The following PMM2 variants were observed in gnomAD, a reference collection of about 807,000 sequenced individuals.
PMM2 encodes mannose-6-phosphate isomerase.
A neutral mutation model predicts 33.2 loss-of-function variants in PMM2; 35 were observed. That is an observed-to-expected ratio of 1.06 (90% CI 0.81 to 1.40). The LOEUF is 1.40. PMM2 is among the 40% of genes most tolerant of loss of function. The pLI, the probability that PMM2 is intolerant of heterozygous loss-of-function variation, is 0.00. For missense variants in PMM2, 386 were observed against 306.0 expected (o/e 1.26, Z -1.95); for synonymous variants, 153 against 114.7 (o/e 1.33, Z -2.13).
intron 7 of PMM2, among the ~76,000 whole-genome samples, chr16:8,841,629 G>A (rs1310459799): frequency 6.8e-6 from 1 of 147,478 alleles, no homozygotes; most frequent in African/African-American, 2.5e-5. Flanking sequence ...CTATAGCATA[G>A]CCTGCCTTTG....
At chr16:8,846,034 C>T (rs1044562593) in intron 7 of PMM2, among the ~76,000 whole-genome samples, 1 of 152,148 alleles carries the variant, frequency 6.6e-6, no homozygotes, top group African/African-American at 2.4e-5. Flanking sequence ...CTGAAGGCCC[C>T]CAGGCCTGGT....
intron 1 of PMM2, 123 bp downstream of exon 1, chr16:8,798,071 G>T (rs1051969869): frequency 1.1e-6 from 1 of 904,024 alleles, no homozygotes; most frequent in Non-Finnish European, 1.8e-6. Context: ...TCCTCACGGC[G>T]CTGAACCCTA....
At chr16:8,843,696 G>A (rs9924470) in intron 7 of PMM2, among the ~76,000 whole-genome samples, 42,498 of 152,056 alleles carry the variant, frequency 0.28, 6,076 homozygotes, top group South Asian at 0.34. Flanking sequence ...CCTTGAAGGT[G>A]AGGTTAATTA....
intron 7 of PMM2, among the ~76,000 whole-genome samples, chr16:8,822,858 T>A (rs2060745551): frequency 6.6e-6 from 1 of 152,186 alleles, no homozygotes; most frequent in African/African-American, 2.4e-5. Context: ...AGTATTCTCA[T>A]CTATAGTTTT....
At chr16:8,821,022 A>G (rs1453170823) in intron 7 of PMM2, among the ~76,000 whole-genome samples, 1 of 152,108 alleles carries the variant, frequency 6.6e-6, no homozygotes, top group African/African-American at 2.4e-5. Context: ...AACCATGCCT[A>G]GCATCTGTAG....
intron 7 of PMM2, among the ~76,000 whole-genome samples, chr16:8,839,412 G>T (rs2060874523): frequency 6.6e-6 from 1 of 152,062 alleles, no homozygotes; most frequent in Non-Finnish European, 1.5e-5. Flanking sequence ...GCAGCTGTCA[G>T]AGGTTGTAAT....
Position 8,801,861 on chromosome 16 carries a change from G to T in PMM2, c.129G>T (p.Val43=), listed in dbSNP as rs777608895. Residue 43 remains valine (V), a synonymous_variant, in exon 2 of 8, where the codon GTG becomes GTT. Coordinates refer to ENST00000268261, the MANE Select transcript of PMM2 (RefSeq NM_000303.3). Reference sequence around the variant, plus strand: ...TGAGGCAGAAGATCAAAATCGGAGTGGTAGGCGGATCGGACTTTGAGAAAG... The same window carrying T: ...TGAGGCAGAAGATCAAAATCGGAGTTGTAGGCGGATCGGACTTTGAGAAAG... ...QKLRQKIKIG[V]VGGSDFEKVQ... is the part of the protein sequence containing the mutation. 1.2e-6 allele frequency: 2 copies of T among 1,612,438 alleles called. No individual in the cohort carries two copies. The highest frequency in any genetic ancestry group is 3.3e-5 in the Admixed American group (2 of 60,002).
chr16:8,813,813 G>A (rs1217042728), intron 7 of PMM2, among the ~76,000 whole-genome samples: 1 of 150,730 alleles, frequency 6.6e-6, no homozygotes, highest in Non-Finnish European at 1.5e-5. Flanking sequence ...GGCCCAAGAG[G>A]AGGCTCATCA....
chr16:8,803,151 A>G lies in PMM2; in HGVS notation c.178+1241A>G, dbSNP rs147600070. Among the ~76,000 whole-genome samples, 386 of 152,302 alleles carry G rather than the reference A, an allele frequency of 2.5e-3. 3 individuals carry two copies. Among genetic ancestry groups the G allele is most frequent in the African/African-American group, 8.9e-3 (369 of 41,564 alleles). On this transcript the variant is annotated intron_variant, in intron 2 of 7. Transcript: ENST00000268261. ...GTAAAATTACCCCCGTTTGAGAACTACTGTTCTCAAAGATGTAATATGTTA... is the reference window on the plus strand; with the variant it reads ...GTAAAATTACCCCCGTTTGAGAACTGCTGTTCTCAAAGATGTAATATGTTA...
At position 8,804,601 on chromosome 16, in the gene PMM2, A is replaced by G. The variant is rs8053440; in HGVS notation, c.179-166A>G. On this transcript the variant is annotated intron_variant, in intron 2 of 7. Transcript: ENST00000268261. Reference sequence around the variant, plus strand: ...GTAACCAAAAAGAGCCATTAAAAAAACAAGGAACTTTTTTCCATACTCTTC... The same window carrying G: ...GTAACCAAAAAGAGCCATTAAAAAAGCAAGGAACTTTTTTCCATACTCTTC... 0.15 allele frequency among the ~76,000 whole-genome samples: 23,480 copies of G among 152,176 alleles called. 1,822 individuals are homozygous for G. The highest frequency in any genetic ancestry group is 0.21 in the East Asian group (1,095 of 5,176).
intron 7 of PMM2, among the ~76,000 whole-genome samples, chr16:8,846,282 C>G (rs1357161196): frequency 6.6e-6 from 1 of 152,186 alleles, no homozygotes; most frequent in Non-Finnish European, 1.5e-5. Context: ...TAAAGGATGT[C>G]AGATTTTTGG....
chr16:8,832,998 G>C lies in PMM2; in HGVS notation c.640-14726G>C, dbSNP rs554517769. The C allele has an allele frequency of 1.1e-5, 6 of 550,570 alleles. No individual in the cohort carries two copies. In the East Asian group the frequency reaches 6.0e-4, roughly 55 times the overall value. 34.1% of individuals were successfully genotyped at this position (550,570 alleles called of 1,614,324 possible). On this transcript the variant is annotated intron_variant, in intron 7 of 7. Transcript: ENST00000268261. Reference sequence around the variant, plus strand: ...CAGCTGTGATGTGGTTTTGGTTTGCGCCGTATCCCCAGCTGCTAAAGCAAT... The same window carrying C: ...CAGCTGTGATGTGGTTTTGGTTTGCCCCGTATCCCCAGCTGCTAAAGCAAT...
At chr16:8,806,540 C>G in intron 4 of PMM2, 133 bp downstream of exon 4, 1 of 711,318 alleles carries the variant, frequency 1.4e-6, no homozygotes, top group South Asian at 1.5e-5. Flanking sequence ...TGATATTTAG[C>G]CCGCCCCTTG....
At chr16:8,812,956 CT>C in intron 6 of PMM2, 34 bp from the exon 7 acceptor site, 3 of 1,191,618 alleles carry the variant, frequency 2.5e-6, no homozygotes, top group Non-Finnish European at 3.8e-6. Flanking sequence ...CCTTTTTCAC[CT>C]TTTGCCTTTG....
chr16:8,832,693 T>C (rs918004208), intron 7 of PMM2: 1 of 985,346 alleles, frequency 1.0e-6, no homozygotes, highest in Admixed American at 6.1e-5. Context: ...TCCAGAAAGA[T>C]CCTGTTGTAA....
chr16:8,841,409 C>G (rs1034322108), intron 7 of PMM2, among the ~76,000 whole-genome samples: 41 of 149,202 alleles, frequency 2.7e-4, no homozygotes, highest in African/African-American at 1.0e-3. Context: ...TTTTAGTTAT[C>G]TGACTCGGGG....
At chr16:8,802,084 A>G (rs1378255000) in intron 2 of PMM2, 174 bp downstream of exon 2, 1 of 602,616 alleles carries the variant, frequency 1.7e-6, no homozygotes, top group Non-Finnish European at 3.1e-6. Context: ...AATCCAGTAC[A>G]TTTCTGGAGT....
At chr16:8,799,698 C>T (rs1164221995) in intron 1 of PMM2, among the ~76,000 whole-genome samples, 1 of 152,196 alleles carries the variant, frequency 6.6e-6, no homozygotes, top group Non-Finnish European at 1.5e-5. Context: ...CAGGCAGGCA[C>T]CACCACGCCT....
chr16:8,804,885 T>C (rs375654106), intron 3 of PMM2, 42 bp downstream of exon 3: 1 of 1,301,922 alleles, frequency 7.7e-7, no homozygotes, highest in African/African-American at 1.4e-5. Flanking sequence ...CTATTAAAAG[T>C]GTTTTCTAAA....
Sources: gnomAD v4.1 joint callset for allele counts (sites outside exome capture counted in the v4.1 genomes callset) on GRCh38, gnomAD v4.1.1 for gene constraint, MANE v1.5 for transcripts, NCBI Gene and HGNC (gene_info 2026-07-23, HGNC 2026-07-21) for gene names.